The following GALNT14 variants were observed in gnomAD, a reference collection of about 807,000 sequenced individuals.
GALNT14 encodes polypeptide N-acetylgalactosaminyltransferase 14.
A neutral mutation model predicts 77.5 loss-of-function variants in GALNT14; 60 were observed. The ratio of observed to expected loss-of-function variants is 0.77; its 90% CI spans 0.63 to 0.96. The LOEUF (loss-of-function observed/expected upper bound fraction) is 0.96. Ranked by LOEUF, GALNT14 falls within the 40% of genes least tolerant of loss-of-function variation. The pLI is 0.00. For synonymous variants in GALNT14, 280 were observed against 281.7 expected (o/e 0.99, Z 0.06); for missense variants, 710 against 731.0 (o/e 0.97, Z 0.33).
At chr2:31,009,499 C>A (rs987518419) in intron 1 of GALNT14, among the ~76,000 whole-genome samples, 1 of 152,186 alleles carries the variant, frequency 6.6e-6, no homozygotes, top group African/African-American at 2.4e-5. Context: ...AGGTGACTTC[C>A]TCCATTCCTG....
At chr2:30,934,589 A>G (rs1665942534) in intron 9 of GALNT14, among the ~76,000 whole-genome samples, 1 of 151,842 alleles carries the variant, frequency 6.6e-6, no homozygotes, top group South Asian at 2.1e-4. Flanking sequence ...TTCTTTTCCT[A>G]TGATCCCTCC....
In GALNT14 at chr2:31,023,102, G is replaced by A. The variant is rs563436385; in HGVS notation, c.130-30095C>T. Among the ~76,000 whole-genome samples the A allele has an allele frequency of 9.8e-4, 149 of 152,182 alleles. 3 individuals carry two copies. The South Asian group carries it at 0.02, about 21-fold the overall frequency. ...TTTTGACAGATTGAGATATGGGAGA[G>A]TTTTCTAAGATAGCTAATGGACTGG... is the stretch of plus-strand genomic sequence containing the variant. On this transcript the variant is annotated intron_variant, in intron 1 of 14. Transcript: ENST00000349752.
intron 1 of GALNT14, among the ~76,000 whole-genome samples, chr2:31,048,593 C>CCACCTCCTG (rs879643243): frequency 2.8e-5 from 3 of 108,160 alleles, no homozygotes; most frequent in Non-Finnish European, 6.1e-5. Context: ...CCTCCCCACC[C>CCACCTCCTG]CCACTCCTGC....
At chr2:30,968,519 G>A (rs774377807) in intron 2 of GALNT14, among the ~76,000 whole-genome samples, 5 of 152,190 alleles carry the variant, frequency 3.3e-5, no homozygotes, top group Admixed American at 6.5e-5. Flanking sequence ...CCCTGTCTAC[G>A]GAGAGATGTC....
chr2:30,959,177 C>T (rs904202027), intron 3 of GALNT14, among the ~76,000 whole-genome samples: 7 of 152,148 alleles, frequency 4.6e-5, no homozygotes, highest in African/African-American at 1.7e-4. Context: ...TCCTCCCTAA[C>T]AGCTTTCCAA....
At chr2:31,108,933 C>CAATCAAG (rs1405131261) in intron 1 of GALNT14, among the ~76,000 whole-genome samples, 3 of 152,202 alleles carry the variant, frequency 2.0e-5, no homozygotes, top group Admixed American at 6.5e-5. Context: ...TGCCATTAAC[C>CAATCAAG]AGCTGATACT....
chr2:31,104,846 A>G (rs1677474385), intron 1 of GALNT14, among the ~76,000 whole-genome samples: 1 of 152,186 alleles, frequency 6.6e-6, no homozygotes, highest in African/African-American at 2.4e-5. Context: ...GTTAACCTTC[A>G]TCATCTGGTC....
chr2:30,964,313 C>A (rs888443544), intron 3 of GALNT14, among the ~76,000 whole-genome samples: 1 of 152,184 alleles, frequency 6.6e-6, no homozygotes, highest in African/African-American at 2.4e-5. Context: ...CACATCACAA[C>A]GGCAGGGCTG....
Position 31,075,095 on chromosome 2 carries a change from G to A in GALNT14, c.129+62863C>T, listed in dbSNP as rs114183420. Among the ~76,000 whole-genome samples the A allele has an allele frequency of 6.0e-3, 910 of 152,242 alleles. 11 individuals are homozygous for A. Among genetic ancestry groups the A allele is most frequent in the African/African-American group, 0.021 (876 of 41,512 alleles). ...GTCCTTGTGATGAGAGTGAGCTCTCGCTCTGAGTTCACACAAGATCTGGTT... is the reference window on the plus strand; with the variant it reads ...GTCCTTGTGATGAGAGTGAGCTCTCACTCTGAGTTCACACAAGATCTGGTT... On this transcript the variant is annotated intron_variant, in intron 1 of 14. Transcript: ENST00000349752.
At chr2:31,081,851 C>G (rs1676172429) in intron 1 of GALNT14, among the ~76,000 whole-genome samples, 2 of 152,080 alleles carry the variant, frequency 1.3e-5, no homozygotes, top group African/African-American at 4.8e-5. Context: ...TCGACTCTTC[C>G]TGACTAGTGA....
At chr2:31,059,199 AAAGT>A (rs1352242825) in intron 1 of GALNT14, among the ~76,000 whole-genome samples, 1 of 152,228 alleles carries the variant, frequency 6.6e-6, no homozygotes, top group South Asian at 2.1e-4. Context: ...TTTATAGGGA[AAAGT>A]AAGCCAGTCT....
At chr2:30,970,241 C>T (rs78427350) in intron 2 of GALNT14, among the ~76,000 whole-genome samples, 3,413 of 152,110 alleles carry the variant, frequency 0.022, 141 homozygotes, top group East Asian at 0.21. Flanking sequence ...AGAGGAGGAG[C>T]AGAGATCAAA....
chr2:31,084,737 T>C (rs1676330215), intron 1 of GALNT14, among the ~76,000 whole-genome samples: 1 of 152,116 alleles, frequency 6.6e-6, no homozygotes, highest in Non-Finnish European at 1.5e-5. Flanking sequence ...AAAGGTAAAG[T>C]GTGTGGCCGA....
At chr2:31,043,039 C>T (rs1452597898) in intron 1 of GALNT14, among the ~76,000 whole-genome samples, 1 of 152,146 alleles carries the variant, frequency 6.6e-6, no homozygotes, top group Non-Finnish European at 1.5e-5. Flanking sequence ...TCCTACTTCT[C>T]CCCTTTCTCC....
chr2:31,092,700 G>A (rs1175252630), intron 1 of GALNT14, among the ~76,000 whole-genome samples: 12 of 152,170 alleles, frequency 7.9e-5, no homozygotes, highest in Admixed American at 7.2e-4. Context: ...TCAGCTGTCT[G>A]AGCTGTTTCA....
chr2:31,126,994 A>G (rs1456473307), intron 1 of GALNT14: 1 of 152,216 alleles, frequency 6.6e-6, no homozygotes, highest in Non-Finnish European at 1.5e-5. Context: ...ACCCTAAATG[A>G]GGTGCTAAAA....
intron 1 of GALNT14, among the ~76,000 whole-genome samples, chr2:31,052,939 C>T (rs890000826): frequency 1.3e-5 from 2 of 152,098 alleles, no homozygotes; most frequent in Admixed American, 6.5e-5. Context: ...GGAGGAGAGC[C>T]GTGAGGGCTA....
In GALNT14 at chr2:30,932,021, G is replaced by C. The variant is rs773513395; in HGVS notation, c.1058+47C>G. The C allele has an allele frequency of 4.1e-6, 6 of 1,450,774 alleles. No individual in the cohort carries two copies. In the East Asian group the frequency reaches 1.3e-4, roughly 32 times the overall value. The allele number at this position is 1,450,774 out of a possible 1,614,324, so 89.9% of individuals were successfully genotyped here. On this transcript the variant is annotated intron_variant, in intron 10 of 14. Coordinates refer to ENST00000349752, the MANE Select transcript of GALNT14 (RefSeq NM_024572.4). ...CCCTTACCAGCAGCCGCCCAGCCTT[G>C]GCTGCCTGTGCTGCTGCCCACCCGC...
intron 2 of GALNT14, among the ~76,000 whole-genome samples, chr2:30,986,255 G>A (rs987950106): frequency 7.9e-5 from 12 of 152,218 alleles, no homozygotes; most frequent in Admixed American, 2.6e-4. Flanking sequence ...ACCCAATGAG[G>A]CTTCCCCGGC....
Sources: gnomAD v4.1 joint callset for allele counts (sites outside exome capture counted in the v4.1 genomes callset) on GRCh38, gnomAD v4.1.1 for gene constraint, MANE v1.5 for transcripts, NCBI Gene and HGNC (gene_info 2026-07-23, HGNC 2026-07-21) for gene names.